The following PTPRN2 variants were observed in gnomAD, a reference collection of about 807,000 sequenced individuals.
PTPRN2 encodes protein tyrosine phosphatase receptor type N2, also known as receptor-type tyrosine-protein phosphatase N2.
In PTPRN2, 74 loss-of-function variants were observed where a neutral mutation model predicts 118.8. The ratio of observed to expected loss-of-function variants is 0.62; its 90% confidence interval spans 0.52 to 0.76. PTPRN2 has a LOEUF of 0.76. Among genes scored for constraint, PTPRN2 ranks in the 30% least tolerant of loss-of-function variants. The pLI is 0.00. For synonymous variants in PTPRN2, 641 were observed against 608.0 expected, an observed-to-expected ratio of 1.05 and a Z score of -0.80; for missense variants, 1,481 against 1,394.4, an observed-to-expected ratio of 1.06 and a Z score of -0.99.
chr7:158,308,305 A>C (rs1295274188), intron 3 of PTPRN2, among the ~76,000 whole-genome samples: 1 of 152,236 alleles, frequency 6.6e-6, no homozygotes, highest in Non-Finnish European at 1.5e-5. Context: ...AACAAAAAAC[A>C]AAGAGAATTT....
intron 9 of PTPRN2, among the ~76,000 whole-genome samples, chr7:158,123,148 A>G (rs1817312360): frequency 6.6e-6 from 1 of 152,260 alleles, no homozygotes; most frequent in African/African-American, 2.4e-5. Flanking sequence ...TAGATAAACG[A>G]GGTTTCTTGG....
rs1297485262 is a variant in PTPRN2, at chr7:157,603,885, G to A, written c.2418+117C>T. The A allele has an allele frequency of 9.3e-6, 9 of 963,146 alleles. No homozygotes were observed. The highest frequency in any genetic ancestry group is 4.5e-5 in the Admixed American group (2 of 44,570). 59.7% of individuals were successfully genotyped at this position (963,146 alleles called of 1,614,324 possible). On this transcript the variant is annotated intron_variant, in intron 16 of 22. Coordinates refer to ENST00000389418, the MANE Select transcript of PTPRN2 (RefSeq NM_002847.5). The surrounding 1 kb of genome is among the most constrained non-coding windows in gnomAD (Gnocchi z 5.4). ...ATGGGCAGAGTCGGCCCTGTCCACC[G>A]CAGAGACGCTGAGCTGGGTGGGGAC...
intron 11 of PTPRN2, among the ~76,000 whole-genome samples, chr7:157,910,472 C>G (rs1249474980): frequency 6.9e-6 from 1 of 144,992 alleles, no homozygotes; most frequent in Non-Finnish European, 1.5e-5. Flanking sequence ...CGCACGTACG[C>G]CGTGGGGACG....
At chr7:158,489,528 G>A (rs1375530710) in intron 2 of PTPRN2, among the ~76,000 whole-genome samples, 1 of 152,238 alleles carries the variant, frequency 6.6e-6, no homozygotes, top group Non-Finnish European at 1.5e-5. Context: ...TGGTGCGAGC[G>A]ATGGGCGCCC....
chr7:158,012,865 T>C (rs1412352887), intron 11 of PTPRN2, among the ~76,000 whole-genome samples: 2 of 152,186 alleles, frequency 1.3e-5, no homozygotes, highest in African/African-American at 4.8e-5. Context: ...AATGCAGATT[T>C]TACTCCAAGT....
chr7:157,905,416 C>T (rs543181315), intron 11 of PTPRN2, among the ~76,000 whole-genome samples: 1 of 152,190 alleles, frequency 6.6e-6, no homozygotes, highest in Admixed American at 6.5e-5. Context: ...AATAAAGGCA[C>T]AGAATAACAG....
intron 3 of PTPRN2, among the ~76,000 whole-genome samples, chr7:158,296,042 C>T (rs1391952538): frequency 1.3e-5 from 2 of 152,154 alleles, no homozygotes; most frequent in East Asian, 1.9e-4. Context: ...TGGAGAAGGG[C>T]GGGTCTCTGG....
chr7:157,991,837 C>G, intron 11 of PTPRN2, among the ~76,000 whole-genome samples: 1 of 151,696 alleles, frequency 6.6e-6, no homozygotes. Flanking sequence ...GGACCCAGGA[C>G]GAGGCCAAGG....
At chr7:158,559,166 C>G (rs2129450812) in intron 1 of PTPRN2, among the ~76,000 whole-genome samples, 1 of 152,274 alleles carries the variant, frequency 6.6e-6, no homozygotes, top group East Asian at 1.9e-4. Flanking sequence ...TTTCTTTGTT[C>G]TTCATCACCC....
intron 13 of PTPRN2, among the ~76,000 whole-genome samples, chr7:157,675,209 C>T (rs1296720875): frequency 1.3e-5 from 2 of 152,212 alleles, no homozygotes; most frequent in Admixed American, 1.3e-4. Flanking sequence ...GGAGAGCCTG[C>T]CTCCCGCCAT....
At chr7:158,153,870 T>TG (rs1278449084) in intron 6 of PTPRN2, among the ~76,000 whole-genome samples, 1 of 113,944 alleles carries the variant, frequency 8.8e-6, no homozygotes, top group Non-Finnish European at 1.8e-5. Flanking sequence ...AGCCGGCTGG[T>TG]GGGGAGGAGG....
intron 12 of PTPRN2, among the ~76,000 whole-genome samples, chr7:157,796,193 GA>G (rs1407793442): frequency 6.6e-6 from 1 of 152,262 alleles, no homozygotes. Flanking sequence ...AGGCATGAAA[GA>G]TCGGCCTTGA....
rs181804939 is a variant in PTPRN2, at chr7:158,151,989, T to C, written c.911-13474A>G. Among the ~76,000 whole-genome samples, 482 of 151,728 alleles carry C rather than the reference T, an allele frequency of 3.2e-3. 5 individuals carry two copies. Among genetic ancestry groups the C allele is most frequent in the African/African-American group, 0.011 (443 of 41,370 alleles). Reference sequence around the variant, plus strand: ...GAGATCAAGACCATCCTGGCTAACATGGTGAAACCCCGTCTCTACTAAAAA... The same window carrying C: ...GAGATCAAGACCATCCTGGCTAACACGGTGAAACCCCGTCTCTACTAAAAA... On this transcript the variant is annotated intron_variant, in intron 6 of 22. Coordinates refer to ENST00000389418, the MANE Select transcript of PTPRN2 (RefSeq NM_002847.5).
At position 157,801,342 on chromosome 7, in the gene PTPRN2, G is replaced by A. The variant is rs528879104; in HGVS notation, c.1788+97331C>T. On this transcript the variant is annotated intron_variant, in intron 12 of 22. Transcript: ENST00000389418. This position sits in a 1 kb window ranked among gnomAD's most constrained non-coding sequence, Gnocchi z 4.2. ...GGCAGGATGAACGGCCTCATCCACG[G>A]AGCACTGCTTTGCCGTCTCCAGAAA... 1.3e-5 allele frequency among the ~76,000 whole-genome samples: 2 copies of A among 152,264 alleles called. No individual in the cohort carries two copies. The highest frequency in any genetic ancestry group is 2.9e-5 in the Non-Finnish European group (2 of 68,026).
At chr7:158,066,286 A>G (rs1810764916) in intron 11 of PTPRN2, among the ~76,000 whole-genome samples, 1 of 152,204 alleles carries the variant, frequency 6.6e-6, no homozygotes, top group African/African-American at 2.4e-5. Flanking sequence ...CCTCCATTCA[A>G]GGCCTTCTCT....
intron 10 of PTPRN2, among the ~76,000 whole-genome samples, chr7:158,087,250 C>G (rs370001311): frequency 1.3e-5 from 2 of 152,200 alleles, no homozygotes; most frequent in African/African-American, 4.8e-5. Context: ...TCTCAGGGAG[C>G]CTGGTTGCTT....
intron 12 of PTPRN2, among the ~76,000 whole-genome samples, chr7:157,789,392 G>A (rs545071946): frequency 6.6e-6 from 1 of 152,220 alleles, no homozygotes; most frequent in Non-Finnish European, 1.5e-5. Context: ...GGCCCCCTGG[G>A]CACAGACATC....
chr7:158,364,614 A>G (rs2151300101), intron 2 of PTPRN2, among the ~76,000 whole-genome samples: 1 of 152,258 alleles, frequency 6.6e-6, no homozygotes, highest in Non-Finnish European at 1.5e-5. Context: ...ATCAGACTTC[A>G]CGCTGACACG....
intron 12 of PTPRN2, among the ~76,000 whole-genome samples, chr7:157,799,067 G>A (rs1375259731): frequency 6.6e-6 from 1 of 152,174 alleles, no homozygotes; most frequent in Non-Finnish European, 1.5e-5. Flanking sequence ...TGAATAACGT[G>A]GCAAGCCCTT....
Sources: gnomAD v4.1 joint callset for allele counts (sites outside exome capture counted in the v4.1 genomes callset) on GRCh38, gnomAD v4.1.1 for gene constraint, Gnocchi (gnomAD v3.1) non-coding constraint, MANE v1.5 for transcripts, NCBI Gene and HGNC (gene_info 2026-07-23, HGNC 2026-07-21) for gene names.